Variants in CRAMP1 observed in about 807,000 individuals in gnomAD.
The protein encoded by CRAMP1 is protein cramped-like.
CRAMP1 carries 50 observed loss-of-function variants against 115.4 expected under a neutral mutation model. The observed-to-expected ratio is 0.43, with a 90% CI of 0.35 to 0.55. The LOEUF (loss-of-function observed/expected upper bound fraction) is 0.55, where lower values mean the gene tolerates loss of function less well. Ranked by LOEUF, CRAMP1 falls within the 20% of genes least tolerant of loss-of-function variation. CRAMP1 has a pLI of 0.01. For missense variants in CRAMP1, 1,679 were observed against 1,721.7 expected (o/e 0.98, Z 0.44); for synonymous variants, 866 against 745.4 (o/e 1.16, Z -2.64).
intron 5 of CRAMP1, among the ~76,000 whole-genome samples, chr16:1,640,280 C>G (rs1386204109): frequency 6.6e-6 from 1 of 152,136 alleles, no homozygotes; most frequent in Non-Finnish European, 1.5e-5. Flanking sequence ...ATAGAGAATT[C>G]TGATCTGACG....
In CRAMP1 at chr16:1,662,470, TCTCTC is replaced by T; in HGVS notation, c.2414-8_2414-4del. On this transcript the variant is annotated splice_polypyrimidine_tract_variant and intron_variant, in intron 11 of 20. Transcript: ENST00000397412. Reference sequence around the variant, plus strand: ...GCTAGGTGAATGCTGTCACACTGATTCTCTCCTCTCCTCTCCCAGGTTTGAGAAAC... The same window carrying T: ...GCTAGGTGAATGCTGTCACACTGATTCTCTCCTCTCCCAGGTTTGAGAAAC... 1.2e-6 allele frequency: 2 copies of T among 1,601,300 alleles called. No individual in the cohort carries two copies. Among genetic ancestry groups the T allele is most frequent in the Middle Eastern group, 1.7e-4 (1 of 6,046 alleles).
rs368166815 is a variant in CRAMP1, at chr16:1,673,847, G to C, written c.3646-34G>C. 6.8e-6 allele frequency: 11 copies of C among 1,610,334 alleles called. No homozygotes were observed. In the African/African-American group the frequency reaches 1.2e-4, roughly 18 times the overall value. On this transcript the variant is annotated intron_variant, in intron 20 of 20. Transcript: ENST00000397412. ...CTCCACTGAAGGGCCAGCAGGTCGC[G>C]GTGACTTGTTCTTCCTGTCTCCTCT...
chr16:1,667,876 A>C, intron 17 of CRAMP1, 86 bp from the exon 18 acceptor site: 8 of 833,186 alleles, frequency 9.6e-6, no homozygotes, highest in South Asian at 1.6e-5. Flanking sequence ...TTTGCCTGCA[A>C]GCTAGGAGAG....
At chr16:1,642,030 A>G (rs1384172329) in intron 6 of CRAMP1, among the ~76,000 whole-genome samples, 2 of 152,186 alleles carry the variant, frequency 1.3e-5, no homozygotes, top group African/African-American at 4.8e-5. Context: ...CATCCCGCCC[A>G]CTGACCACAC....
At chr16:1,651,710 CAG>C (rs2036725067) in intron 6 of CRAMP1, among the ~76,000 whole-genome samples, 1 of 144,220 alleles carries the variant, frequency 6.9e-6, no homozygotes. Context: ...TGAGGTCACA[CAG>C]AGGTCACCTA....
At chr16:1,617,333 C>G (rs2036428887) in intron 2 of CRAMP1, among the ~76,000 whole-genome samples, 2 of 152,198 alleles carry the variant, frequency 1.3e-5, no homozygotes, top group Non-Finnish European at 2.9e-5. Context: ...CCAGGACATC[C>G]TCTGACACCA....
rs1567444463 is a variant in CRAMP1, at chr16:1,614,341, C to CCGGGGCCGGGGCCGGGGCCGGGT, written c.-1-298_-1-297insCGGGGCCGGGGCCGGGGCCGGGT. On this transcript the variant is annotated intron_variant, in intron 1 of 20. Coordinates refer to ENST00000397412, the MANE Select transcript of CRAMP1 (RefSeq NM_020825.4). The surrounding 1 kb of genome is among the most constrained non-coding windows in gnomAD (Gnocchi z 4.4). ...GGCCGGGGCCGGGGCCGGGGCCGGG[C>CCGGGGCCGGGGCCGGGGCCGGGT]AGGGTCCGCCGAGCTGTCGCGCCCT... is the stretch of plus-strand genomic sequence containing the variant. Among the ~76,000 whole-genome samples, 5 of 126,090 alleles carry CCGGGGCCGGGGCCGGGGCCGGGT rather than the reference C, an allele frequency of 4.0e-5. No individual in the cohort carries two copies. In the East Asian group the frequency reaches 1.2e-3, roughly 29 times the overall value. 82.7% of individuals were successfully genotyped at this position (126,090 alleles called of 152,430 possible). A position where few individuals can be genotyped will look rare whatever the true frequency, so the allele number is the denominator to read the frequency against.
Position 1,651,107 on chromosome 16 carries a change from C to G in CRAMP1, c.828-1389C>G, listed in dbSNP as rs571872970. Among the ~76,000 whole-genome samples the G allele has an allele frequency of 8.9e-4, 132 of 147,730 alleles. 1 individual carries two copies. The highest frequency in any genetic ancestry group is 4.0e-3 in the Middle Eastern group (1 of 250). ...CTGAGAGGTCACAGAGAGGAGGACTCAGAGGCCACAGGTCATGGAAAGGTA... is the reference window on the plus strand; with the variant it reads ...CTGAGAGGTCACAGAGAGGAGGACTGAGAGGCCACAGGTCATGGAAAGGTA... On this transcript the variant is annotated intron_variant, in intron 6 of 20. Transcript: ENST00000397412.
At chr16:1,673,839 C>G (rs1201920109) in intron 20 of CRAMP1, 42 bp from the exon 21 acceptor site, 1 of 1,602,288 alleles carries the variant, frequency 6.2e-7, no homozygotes, top group Non-Finnish European at 8.5e-7. Flanking sequence ...GAAGGGCCAG[C>G]AGGTCGCGGT....
chr16:1,660,781 T>C (rs1223792667), intron 11 of CRAMP1, among the ~76,000 whole-genome samples: 1 of 151,438 alleles, frequency 6.6e-6, no homozygotes, highest in African/African-American at 2.4e-5. Context: ...CCAAGGCTGG[T>C]GGATCACCTG....
rs1195417390 is a variant in CRAMP1, at chr16:1,614,454, C to T, written c.-1-185C>T. On this transcript the variant is annotated intron_variant, in intron 1 of 20. Transcript: ENST00000397412. The surrounding 1 kb of genome is among the most constrained non-coding windows in gnomAD (Gnocchi z 4.4). ...GAGGGTCCCGGGCTGGTGGGCAGGG[C>T]CGGGGGCGGCGGCGTGGGGGCGGCA... Among the ~76,000 whole-genome samples, 1 of 144,894 alleles carries T rather than the reference C, an allele frequency of 6.9e-6. No individual in the cohort carries two copies. Among genetic ancestry groups the T allele is most frequent in the Non-Finnish European group, 1.5e-5 (1 of 65,316 alleles).
At chr16:1,620,637 G>C (rs1465637181) in intron 2 of CRAMP1, 2 of 457,318 alleles carry the variant, frequency 4.4e-6, no homozygotes, top group African/African-American at 2.0e-5. Context: ...CTCACGTCCA[G>C]ACAGACATCT....
chr16:1,647,634 C>T (rs116069349), intron 6 of CRAMP1, among the ~76,000 whole-genome samples: 1 of 150,298 alleles, frequency 6.7e-6, no homozygotes, highest in African/African-American at 2.5e-5. Flanking sequence ...CCCACCTACT[C>T]GGGAGGCTGG....
chr16:1,623,600 A>G (rs749503238), intron 2 of CRAMP1, among the ~76,000 whole-genome samples: 12 of 152,200 alleles, frequency 7.9e-5, no homozygotes, highest in Non-Finnish European at 1.5e-4. Context: ...TTGGAAGATG[A>G]TAGTTTAGCG....
At chr16:1,640,371 T>C (rs1454211997) in intron 5 of CRAMP1, among the ~76,000 whole-genome samples, 3 of 152,208 alleles carry the variant, frequency 2.0e-5, no homozygotes, top group African/African-American at 7.2e-5. Flanking sequence ...TCAGTGGTCA[T>C]CTATGCCCTC....
At position 1,632,731 on chromosome 16, in the gene CRAMP1, G is replaced by T. The variant is rs182101761; in HGVS notation, c.694+366G>T. Among the ~76,000 whole-genome samples the T allele has an allele frequency of 5.9e-5, 9 of 152,354 alleles. No individual in the cohort carries two copies. The East Asian group carries it at 1.4e-3, about 23-fold the overall frequency. Reference sequence around the variant, plus strand: ...GTCCAGCGAGGGGCTTGGGCCGCAGGCACCGTGCCTGGCGCTGGTCTTCCT... The same window carrying T: ...GTCCAGCGAGGGGCTTGGGCCGCAGTCACCGTGCCTGGCGCTGGTCTTCCT... On this transcript the variant is annotated intron_variant, in intron 4 of 20. Transcript: ENST00000397412.
At chr16:1,663,522 A>G (rs199771074) in intron 13 of CRAMP1, among the ~76,000 whole-genome samples, 22 of 152,328 alleles carry the variant, frequency 1.4e-4, no homozygotes, top group South Asian at 2.1e-4. Flanking sequence ...TCAGGGTTGA[A>G]AACTATGGCC....
In CRAMP1 at chr16:1,671,691, G is replaced by T. The variant is rs1040963026; in HGVS notation, c.3645+882G>T. Among the ~76,000 whole-genome samples the T allele has an allele frequency of 1.2e-4, 18 of 152,314 alleles. No homozygotes were observed. The highest frequency in any genetic ancestry group is 1.2e-4 in the Non-Finnish European group (8 of 68,016). ...CCACAATGTTGAGACATTGGCAGGT[G>T]TTCCTTGAGGATTTTGTGGGTAGAT... is the stretch of plus-strand genomic sequence containing the variant. On this transcript the variant is annotated intron_variant, in intron 20 of 20. Transcript: ENST00000397412. This position sits in a 1 kb window ranked among gnomAD's most constrained non-coding sequence, Gnocchi z 5.0.
chr16:1,672,500 C>T lies in CRAMP1; in HGVS notation c.3646-1381C>T, dbSNP rs556298799. On this transcript the variant is annotated intron_variant, in intron 20 of 20. Coordinates refer to ENST00000397412, the MANE Select transcript of CRAMP1 (RefSeq NM_020825.4). This position sits in a 1 kb window ranked among gnomAD's most constrained non-coding sequence, Gnocchi z 4.9. ...GGAGCTGGGTGGCCCTGGGATGAAA[C>T]GGGTGGGAGCTGCTGATGGACATAC... Among the ~76,000 whole-genome samples the T allele has an allele frequency of 1.8e-3, 269 of 152,106 alleles. 6 individuals are homozygous for T. In the South Asian group the frequency reaches 0.05, roughly 29 times the overall value.
Sources: gnomAD v4.1 joint callset for allele counts (sites outside exome capture counted in the v4.1 genomes callset) on GRCh38, gnomAD v4.1.1 for gene constraint, Gnocchi (gnomAD v3.1) non-coding constraint, MANE v1.5 for transcripts, NCBI Gene and HGNC (gene_info 2026-07-23, HGNC 2026-07-21) for gene names.